The following PDE4D variants were observed in gnomAD, a reference collection of about 807,000 sequenced individuals.
PDE4D encodes phosphodiesterase 4D, also known as 3',5'-cyclic-AMP phosphodiesterase 4D.
In PDE4D, 24 loss-of-function variants were observed where a neutral mutation model predicts 87.4. That is an observed-to-expected ratio of 0.27 (90% CI 0.20 to 0.39). PDE4D has a LOEUF of 0.39. Among genes scored for constraint, PDE4D ranks in the 10% least tolerant of loss-of-function variants. PDE4D has a pLI of 1.00. For synonymous variants in PDE4D, 384 were observed against 383.2 expected, an observed-to-expected ratio of 1.00 and a Z score of -0.02; for missense variants, 714 against 1,041.0, an observed-to-expected ratio of 0.69 and a Z score of 4.32.
chr5:60,051,439 T>C lies in PDE4D; in HGVS notation c.43-62722A>G, dbSNP rs182138764. On this transcript the variant is annotated intron_variant, in intron 2 of 16. Coordinates refer to the PDE4D transcript ENST00000502484. ...GAATAACCTGCTCCTGAATGACTAC[T>C]GGGTAAATAATGAAATTAAGGTAGA... Among the ~76,000 whole-genome samples, 1,129 of 152,256 alleles carry C rather than the reference T, an allele frequency of 7.4e-3. 13 individuals carry two copies. Among genetic ancestry groups the C allele is most frequent in the African/African-American group, 0.026 (1,083 of 41,528 alleles).
At chr5:60,204,437 G>T (rs1307007283) in intron 1 of PDE4D, among the ~76,000 whole-genome samples, 1 of 152,092 alleles carries the variant, frequency 6.6e-6, no homozygotes, top group Non-Finnish European at 1.5e-5. Flanking sequence ...TATACGAATG[G>T]GCATTTAGAG....
rs1210845060 is a variant in PDE4D, at chr5:59,742,352, C to G, written c.455+150816G>C. On this transcript the variant is annotated intron_variant, in intron 1 of 14. Coordinates refer to ENST00000340635, the MANE Select transcript of PDE4D (RefSeq NM_001104631.2). ...GTGCTGGGATTACAGGCGTGAGCCA[C>G]TGCGTCTGGCCATCCTTTTTGCATA... 5.3e-5 allele frequency among the ~76,000 whole-genome samples: 8 copies of G among 152,342 alleles called. No homozygotes were observed. In the East Asian group the frequency reaches 1.5e-3, roughly 29 times the overall value.
Position 60,517,227 on chromosome 5 carries a change from A to AG in PDE4D, n.70+4823dup, listed in dbSNP as rs1207110808. 1.7e-4 allele frequency among the ~76,000 whole-genome samples: 26 copies of AG among 152,268 alleles called. No homozygotes were observed. In the East Asian group the frequency reaches 4.6e-3, roughly 27 times the overall value. On this transcript the variant is annotated intron_variant and non_coding_transcript_variant, in intron 1 of 2. Transcript: ENST00000506510. ...GACTCTGTGCACCAAGGAGCATGGG[A>AG]GGGGGGCCAAGGGGGAGCTGAGAGT...
At chr5:60,099,386 T>C (rs1256034855) in intron 2 of PDE4D, among the ~76,000 whole-genome samples, 1 of 152,052 alleles carries the variant, frequency 6.6e-6, no homozygotes, top group Non-Finnish European at 1.5e-5. Context: ...ATGTAATGAA[T>C]ATAAAATATA....
chr5:58,990,831 CA>C lies in PDE4D; in HGVS notation c.1259del (p.Leu420Ter). 1 of 1,599,108 alleles carries C rather than the reference CA, an allele frequency of 6.3e-7. No individual in the cohort carries two copies. Among genetic ancestry groups the C allele is most frequent in the South Asian group, 1.1e-5 (1 of 88,630 alleles). The part of the protein sequence containing the change: ...RIAELSGNRP[L>X]TVIMHTIFQE... ...GAAAAATGGTGTGCATGATAACAGTCAAGGGCCGGTTACCAGACAACTCTGC... is the reference window on the plus strand; with the variant it reads ...GAAAAATGGTGTGCATGATAACAGTCAGGGCCGGTTACCAGACAACTCTGC... On this transcript the variant is annotated frameshift_variant, in exon 9 of 15. Coordinates refer to ENST00000340635, the MANE Select transcript of PDE4D (RefSeq NM_001104631.2). LOFTEE classifies it high-confidence loss of function.
chr5:60,520,489 C>T (rs986430686), intron 1 of PDE4D, among the ~76,000 whole-genome samples: 3 of 152,224 alleles, frequency 2.0e-5, no homozygotes, highest in Non-Finnish European at 4.4e-5. Flanking sequence ...TGTTTGTCAG[C>T]CCCTCCCTGC....
chr5:59,105,515 T>G (rs1771446878), intron 5 of PDE4D, among the ~76,000 whole-genome samples: 1 of 152,156 alleles, frequency 6.6e-6, no homozygotes, highest in South Asian at 2.1e-4. Context: ...GATCAGTTAG[T>G]TAACCCACTC....
At chr5:59,102,710 T>G (rs865780812) in intron 5 of PDE4D, among the ~76,000 whole-genome samples, 2 of 152,122 alleles carry the variant, frequency 1.3e-5, no homozygotes, top group South Asian at 4.1e-4. Context: ...CAGCATCACT[T>G]GGGAACTTAT....
At chr5:60,252,638 T>A (rs1748606703) in intron 1 of PDE4D, among the ~76,000 whole-genome samples, 1 of 151,784 alleles carries the variant, frequency 6.6e-6, no homozygotes, top group Admixed American at 6.6e-5. Flanking sequence ...GCTACACCAT[T>A]CAGGATTAAA....
Position 59,658,583 on chromosome 5 carries a change from G to A in PDE4D, c.455+234585C>T, listed in dbSNP as rs576247462. On this transcript the variant is annotated intron_variant, in intron 1 of 14. Coordinates refer to ENST00000340635, the MANE Select transcript of PDE4D (RefSeq NM_001104631.2). ...TTTTTAGTAGAGATGGGGTTTCACC[G>A]TGTCAGCCAGGATGGTCTCGATCTC... 2.6e-5 allele frequency among the ~76,000 whole-genome samples: 4 copies of A among 152,128 alleles called. No homozygotes were observed. In the South Asian group the frequency reaches 6.2e-4, roughly 24 times the overall value.
chr5:59,373,518 G>T (rs866260317), intron 1 of PDE4D, among the ~76,000 whole-genome samples: 1 of 152,156 alleles, frequency 6.6e-6, no homozygotes, highest in Admixed American at 6.5e-5. Context: ...ACAAAACCGA[G>T]AAATATGAGA....
At chr5:59,050,267 CA>C (rs999780161) in intron 5 of PDE4D, among the ~76,000 whole-genome samples, 1 of 151,844 alleles carries the variant, frequency 6.6e-6, no homozygotes, top group South Asian at 2.1e-4. Flanking sequence ...AACTCTGTCC[CA>C]AAAAAAGAGA....
chr5:59,779,301 T>C (rs1764378403), intron 1 of PDE4D, among the ~76,000 whole-genome samples: 1 of 152,224 alleles, frequency 6.6e-6, no homozygotes, highest in Admixed American at 6.5e-5. Context: ...CTAAAGTTTC[T>C]GTAGCCCTCC....
At chr5:60,186,949 G>T (rs1406218860) in intron 1 of PDE4D, among the ~76,000 whole-genome samples, 1 of 152,118 alleles carries the variant, frequency 6.6e-6, no homozygotes, top group Non-Finnish European at 1.5e-5. Context: ...ACCCTCTCAA[G>T]TCTTCTCAAA....
At chr5:59,080,278 G>C (rs913981089) in intron 5 of PDE4D, among the ~76,000 whole-genome samples, 2 of 152,144 alleles carry the variant, frequency 1.3e-5, no homozygotes, top group African/African-American at 4.8e-5. Flanking sequence ...TGTGATGAAC[G>C]TGACCCTGGC....
At chr5:59,040,442 A>T (rs867806620) in intron 5 of PDE4D, among the ~76,000 whole-genome samples, 2 of 152,244 alleles carry the variant, frequency 1.3e-5, no homozygotes, top group Non-Finnish European at 2.9e-5. Flanking sequence ...TGTGAATTGC[A>T]TAAGACCTAG....
At chr5:59,142,088 A>G (rs1777978105) in intron 5 of PDE4D, among the ~76,000 whole-genome samples, 1 of 152,188 alleles carries the variant, frequency 6.6e-6, no homozygotes, top group Admixed American at 6.5e-5. Flanking sequence ...ATGAATGAAT[A>G]TTAGGCTGAT....
chr5:59,389,524 T>A (rs1370235697), intron 1 of PDE4D, among the ~76,000 whole-genome samples: 1 of 152,046 alleles, frequency 6.6e-6, no homozygotes, highest in African/African-American at 2.4e-5. Context: ...ACAGCCATAA[T>A]AGAAAACAGT....
chr5:59,172,325 TA>T (rs1561625038), intron 5 of PDE4D, among the ~76,000 whole-genome samples: 1 of 130,608 alleles, frequency 7.7e-6, no homozygotes, highest in African/African-American at 2.9e-5. Context: ...ATAAAATATA[TA>T]ATATATAATA....
Sources: gnomAD v4.1 joint callset for allele counts (sites outside exome capture counted in the v4.1 genomes callset) on GRCh38, gnomAD v4.1.1 for gene constraint, MANE v1.5 for transcripts, NCBI Gene and HGNC (gene_info 2026-07-23, HGNC 2026-07-21) for gene names.